GON4L: variants seen among roughly 807,000 people sequenced by gnomAD.
GON4L encodes gon-4 like.
GON4L carries 87 observed loss-of-function variants against 211.8 expected under a neutral mutation model. The observed-to-expected ratio is 0.41, with a 90% confidence interval of 0.35 to 0.49. The LOEUF is 0.49. Among genes scored for constraint, GON4L ranks in the 20% least tolerant of loss-of-function variants. The pLI, the probability that GON4L is intolerant of heterozygous loss-of-function variation, is 0.15. For missense variants in GON4L, 2,155 were observed against 2,659.5 expected, an observed-to-expected ratio of 0.81 and a Z score of 4.17; for synonymous variants, 875 against 962.6, an observed-to-expected ratio of 0.91 and a Z score of 1.68.
Position 155,776,404 on chromosome 1 carries a change from C to G in GON4L, c.2169G>C (p.Arg723Ser), listed in dbSNP as rs532255775. 4 of 1,605,132 alleles carry G rather than the reference C, an allele frequency of 2.5e-6. No homozygotes were observed. Among genetic ancestry groups the G allele is most frequent in the Admixed American group, 3.3e-5 (2 of 59,984 alleles). Reference protein sequence around the residue: ...PNLNPEATTTRIFLKELGTFA... With the variant: ...PNLNPEATTTSIFLKELGTFA... ...ATATTTGGAAACTTACAAGAAATATCCTGGTGGTAGTGGCCTCCGGATTGA... is the reference window on the plus strand; with the variant it reads ...ATATTTGGAAACTTACAAGAAATATGCTGGTGGTAGTGGCCTCCGGATTGA... Residue 723 changes from arginine (R) to serine (S), a missense_variant, in exon 16 of 32, where the codon AGG becomes AGC. Arg to Ser is a moderately radical substitution (Grantham distance 110). Transcript: ENST00000368331.
intron 31 of GON4L, among the ~76,000 whole-genome samples, chr1:155,751,004 TC>T (rs1291568909): frequency 1.3e-5 from 2 of 152,220 alleles, no homozygotes; most frequent in African/African-American, 4.8e-5. Flanking sequence ...CCTCAGGTGA[TC>T]CACCCACCTC....
chr1:155,762,536 G>A (rs1276193476), intron 22 of GON4L, among the ~76,000 whole-genome samples, 162 bp from the exon 23 acceptor site: 1 of 152,280 alleles, frequency 6.6e-6, no homozygotes, highest in Non-Finnish European at 1.5e-5. Context: ...CGTCAAGTCA[G>A]TTCTACGCAG....
chr1:155,844,835 G>A (rs1302233229), intron 2 of GON4L, among the ~76,000 whole-genome samples: 1 of 152,168 alleles, frequency 6.6e-6, no homozygotes, highest in Non-Finnish European at 1.5e-5. Context: ...AGGACCTCTA[G>A]CAGCTATCTT....
intron 1 of GON4L, among the ~76,000 whole-genome samples, chr1:155,854,314 T>C (rs1273726447): frequency 6.6e-6 from 1 of 152,112 alleles, no homozygotes; most frequent in Non-Finnish European, 1.5e-5. Flanking sequence ...CACCTACGCC[T>C]GGCTAATTTT....
intron 4 of GON4L, 94 bp downstream of exon 4, chr1:155,822,192 C>T (rs1668795167): frequency 2.0e-6 from 2 of 1,020,040 alleles, no homozygotes; most frequent in Non-Finnish European, 3.1e-6. Flanking sequence ...ATCGGTAATT[C>T]ACGTATCAAG....
chr1:155,778,232 C>G (rs560755068), intron 14 of GON4L, among the ~76,000 whole-genome samples: 1 of 152,142 alleles, frequency 6.6e-6, no homozygotes, highest in Admixed American at 6.6e-5. Flanking sequence ...TCAGGCTGCA[C>G]TGCCTTGCAT....
intron 13 of GON4L, chr1:155,784,375 T>C (rs1177232454): frequency 3.8e-5 from 11 of 292,318 alleles, no homozygotes; most frequent in African/African-American, 3.2e-4. Flanking sequence ...TTTTTTTTTT[T>C]TTTTTTTTTT....
At chr1:155,759,749 A>G (rs1661574550) in intron 24 of GON4L, among the ~76,000 whole-genome samples, 1 of 151,726 alleles carries the variant, frequency 6.6e-6, no homozygotes, top group Non-Finnish European at 1.5e-5. Flanking sequence ...TATGACGATA[A>G]GTCCAGGACT....
intron 27 of GON4L, 81 bp downstream of exon 27, chr1:155,756,877 C>G (rs1353474818): frequency 2.8e-6 from 3 of 1,055,158 alleles, no homozygotes; most frequent in East Asian, 2.4e-5. Context: ...TGCAGTGAGC[C>G]AAGATTACGC....
At chr1:155,839,817 C>G (rs1455810612) in intron 2 of GON4L, among the ~76,000 whole-genome samples, 2 of 152,114 alleles carry the variant, frequency 1.3e-5, no homozygotes, top group Admixed American at 1.3e-4. Context: ...AAAGAATGGT[C>G]TCCTATGTTA....
At chr1:155,767,951 TG>T (rs1310069702) in intron 19 of GON4L, among the ~76,000 whole-genome samples, 1 of 151,824 alleles carries the variant, frequency 6.6e-6, no homozygotes, top group African/African-American at 2.4e-5. Context: ...TTTAAGCAAA[TG>T]GTGGTGTGAA....
intron 16 of GON4L, among the ~76,000 whole-genome samples, chr1:155,775,576 T>C (rs762827626): frequency 2.0e-5 from 3 of 151,684 alleles, no homozygotes; most frequent in Non-Finnish European, 2.9e-5. Flanking sequence ...TCCATCTACC[T>C]CCCGAGTAGC....
At chr1:155,763,654 T>TA (rs1662083996) in intron 21 of GON4L, 90 bp from the exon 22 acceptor site, 1 of 1,168,980 alleles carries the variant, frequency 8.6e-7, no homozygotes, top group African/African-American at 1.5e-5. Flanking sequence ...AATCTGAAGT[T>TA]AAACAATGGG....
In GON4L at chr1:155,784,084, T is replaced by C. The variant is rs773713748; in HGVS notation, c.1794A>G (p.Gln598=). 23 of 1,613,822 alleles carry C rather than the reference T, an allele frequency of 1.4e-5. No individual in the cohort carries two copies. In the South Asian group the frequency reaches 1.4e-4, roughly 10 times the overall value. Residue 598 remains glutamine, a synonymous_variant, in exon 14 of 32, where the codon CAA becomes CAG. Transcript: ENST00000368331. ...ELMEELFETF[Q]DEMGFSNMED... is the part of the protein sequence containing the mutation. ...CCATGTTGGAGAATCCCATCTCATC[T>C]TGGAACTGTGGGCAAAGGAAAGGGA...
chr1:155,846,926 G>A (rs147866236), intron 2 of GON4L, among the ~76,000 whole-genome samples: 214 of 152,090 alleles, frequency 1.4e-3, no homozygotes, highest in African/African-American at 5.0e-3. Context: ...CAGAAGAATC[G>A]CTTCAACCGA....
At chr1:155,791,257 C>T (rs1461592604) in intron 12 of GON4L, among the ~76,000 whole-genome samples, 2 of 151,062 alleles carry the variant, frequency 1.3e-5, no homozygotes, top group East Asian at 1.9e-4. Context: ...AGTGAGACTT[C>T]GTCTCAAAAA....
chr1:155,748,115 C>T, downstream of GON4L: 1 of 1,603,560 alleles, frequency 6.2e-7, no homozygotes, highest in South Asian at 1.1e-5. Flanking sequence ...ACTTCCCTTA[C>T]CTGCATTATG....
At chr1:155,785,812 T>C (rs564516521) in intron 12 of GON4L, among the ~76,000 whole-genome samples, 2 of 152,298 alleles carry the variant, frequency 1.3e-5, no homozygotes, top group East Asian at 1.9e-4. Context: ...AAACATTTAT[T>C]GAGGCCGGGA....
rs34273258 is a variant in GON4L at position 155,798,576 on chromosome 1, A to ATTTT, written c.1646-3429_1646-3426dup. ...AGGCACCCGCCACCACGTCAGGCTA[A>ATTTT]TTTTTTTTTTTTTTTTTTTTTTTTA... On this transcript the variant is annotated intron_variant, in intron 11 of 31. Transcript: ENST00000368331. Among the ~76,000 whole-genome samples, 608 of 89,498 alleles carry ATTTT rather than the reference A, an allele frequency of 6.8e-3. 21 individuals are homozygous for ATTTT. The highest frequency in any genetic ancestry group is 8.7e-3 in the Non-Finnish European group (437 of 50,370). The allele number at this position is 89,498 out of a possible 152,430, so 58.7% of individuals were successfully genotyped here.
Sources: allele counts gnomAD v4.1 joint callset (sites outside exome capture counted in the v4.1 genomes callset), GRCh38; gene constraint gnomAD v4.1.1; transcripts MANE v1.5; gene names NCBI Gene and HGNC (gene_info 2026-07-23, HGNC 2026-07-21).